REPS1: variants seen among roughly 807,000 people sequenced by gnomAD.
The protein encoded by REPS1 is ralBP1-associated Eps domain-containing protein 1.
A neutral mutation model predicts 100.9 loss-of-function variants in REPS1; 39 were observed. That is an observed-to-expected ratio of 0.39 (90% CI 0.30 to 0.50). The LOEUF is 0.50. REPS1 is among the 20% of genes least tolerant of loss of function. The probability of loss-of-function intolerance (pLI) is 0.86; values close to 1 mark genes in which losing one functional copy is unlikely to be tolerated. For synonymous variants in REPS1, 324 were observed against 340.3 expected (o/e 0.95, Z 0.53); for missense variants, 821 against 968.5 (o/e 0.85, Z 2.02).
intron 18 of REPS1, 107 bp from the exon 19 acceptor site, chr6:138,907,707 C>CT (rs1402434760): frequency 2.8e-6 from 2 of 709,758 alleles, no homozygotes; most frequent in African/African-American, 3.6e-5. Context: ...AAAAGAGCAT[C>CT]TTTTTCCTTA....
Position 138,907,505 on chromosome 6 carries a change from T to C in REPS1, c.2312A>G (p.Gln771Arg). 1 of 1,608,878 alleles carries C rather than the reference T, an allele frequency of 6.2e-7. No individual in the cohort carries two copies. Among genetic ancestry groups the C allele is most frequent in the Non-Finnish European group, 8.5e-7 (1 of 1,175,384 alleles). Residue 771 changes from glutamine (Q) to arginine (R), a missense_variant, in exon 19 of 20, where the codon CAA (glutamine) becomes CGA (arginine). This residue lies in a region of REPS1 where 757 missense variants were observed against 866.4 expected (regional missense o/e 0.87). Coordinates refer to ENST00000450536, the MANE Select transcript of REPS1 (RefSeq NM_001286611.2). The stretch of plus-strand genomic sequence containing the variant: ...CAGAAACTATATTACCTTTAATTGT[T>C]GCTGCAATTCGCTATTCAATCTGGC... The part of the protein sequence containing the change: ...VLARLNSELQ[Q>R]QLKDVLEERI...
chr6:138,956,117 A>G (rs192052154), intron 1 of REPS1, among the ~76,000 whole-genome samples: 151 of 152,270 alleles, frequency 9.9e-4, no homozygotes, highest in Non-Finnish European at 1.6e-3. Flanking sequence ...GGACGCTCTC[A>G]TGTCTTCCTA....
chr6:138,932,896 A>T (rs946402473), intron 8 of REPS1, among the ~76,000 whole-genome samples: 2 of 152,224 alleles, frequency 1.3e-5, no homozygotes, highest in Non-Finnish European at 2.9e-5. Flanking sequence ...ATTTTGGAAA[A>T]TGTATATCCA....
intron 8 of REPS1, chr6:138,934,394 A>T: frequency 2.1e-6 from 1 of 466,144 alleles, no homozygotes; most frequent in Non-Finnish European, 4.5e-6. Flanking sequence ...TTACGCAAAA[A>T]GTATTTCCAC....
chr6:138,986,538 C>G (rs74670255), intron 1 of REPS1, among the ~76,000 whole-genome samples: 13,348 of 152,212 alleles, frequency 0.088, 1,228 homozygotes, highest in African/African-American at 0.23. Context: ...AAGGACCCAG[C>G]CTTCAAAACC....
intron 1 of REPS1, among the ~76,000 whole-genome samples, chr6:138,975,917 T>C (rs1204755427): frequency 2.0e-5 from 3 of 152,162 alleles, no homozygotes; most frequent in Non-Finnish European, 4.4e-5. Flanking sequence ...GTTAAGTACT[T>C]ACAAAAGATG....
intron 1 of REPS1, among the ~76,000 whole-genome samples, chr6:138,986,478 G>T (rs1036970633): frequency 6.6e-6 from 1 of 152,230 alleles, no homozygotes; most frequent in South Asian, 2.1e-4. Flanking sequence ...CTTGAAAATG[G>T]AAAGTGCCTG....
chr6:138,940,150 T>C (rs1317621849), intron 8 of REPS1, among the ~76,000 whole-genome samples: 1 of 152,246 alleles, frequency 6.6e-6, no homozygotes, highest in Non-Finnish European at 1.5e-5. Context: ...AGTAATTTCA[T>C]GCATCTGATT....
In REPS1 at chr6:138,988,062, T is replaced by G. The variant is rs554947397; in HGVS notation, c.-380A>C. ...TCGAGTCTCCCCGGCTCCCTGCCGA[T>G]TCCCCCAGACTTCCCGCCTCGGCTT... On this transcript the variant is annotated 5_prime_UTR_variant, in exon 1 of 20. Transcript: ENST00000450536. 1.5e-5 allele frequency: 6 copies of G among 397,222 alleles called. No homozygotes were observed. Among genetic ancestry groups the G allele is most frequent in the Non-Finnish European group, 2.7e-5 (6 of 225,164 alleles). 24.6% of individuals were successfully genotyped at this position (397,222 alleles called of 1,614,324 possible). A position where few individuals can be genotyped will look rare whatever the true frequency, so the allele number is the denominator to read the frequency against.
chr6:138,904,989 T>C lies in REPS1; in HGVS notation c.*75A>G, dbSNP rs746561781. The C allele has an allele frequency of 2.6e-6, 3 of 1,162,946 alleles. No homozygotes were observed. The highest frequency in any genetic ancestry group is 1.3e-6 in the Non-Finnish European group (1 of 774,404). The allele number at this position is 1,162,946 out of a possible 1,614,324, so 72.0% of individuals were successfully genotyped here. On this transcript the variant is annotated 3_prime_UTR_variant, in exon 20 of 20. Coordinates refer to ENST00000450536, the MANE Select transcript of REPS1 (RefSeq NM_001286611.2). ...ATGTTGAGTTAAGCAGTGAGCTGAA[T>C]GTCTAGGTCTCCAAATTGGCTTTGA...
chr6:138,952,119 C>T (rs1469528879), intron 1 of REPS1, among the ~76,000 whole-genome samples: 1 of 151,952 alleles, frequency 6.6e-6, no homozygotes, highest in Non-Finnish European at 1.5e-5. Context: ...TGTACATGCT[C>T]ATGGTAAAAT....
intron 7 of REPS1, among the ~76,000 whole-genome samples, chr6:138,942,915 C>T (rs934765550): frequency 1.3e-5 from 2 of 151,508 alleles, no homozygotes; most frequent in Non-Finnish European, 2.9e-5. Flanking sequence ...CCACCATGCC[C>T]GGCTAATTTT....
chr6:138,944,769 A>T, intron 4 of REPS1, 147 bp from the exon 5 acceptor site: 1 of 683,632 alleles, frequency 1.5e-6, no homozygotes, highest in Admixed American at 3.2e-5. Context: ...CCTCATTTAA[A>T]TATCTTCAAT....
intron 8 of REPS1, among the ~76,000 whole-genome samples, chr6:138,930,780 G>C (rs182039989): frequency 6.6e-6 from 1 of 151,884 alleles, no homozygotes; most frequent in Non-Finnish European, 1.5e-5. Context: ...CCCAGCCACG[G>C]GAAAAAAGCA....
rs143834925 is a variant in REPS1, at chr6:138,969,777, G to A, written c.153+17753C>T. ...TTAAATATATGTCAAATAGCTTGAT[G>A]TCTGGTCCATTATAGGTGCTATATA... On this transcript the variant is annotated intron_variant, in intron 1 of 19. Transcript: ENST00000450536. 8.3e-3 allele frequency among the ~76,000 whole-genome samples: 1,252 copies of A among 150,606 alleles called. 7 individuals carry two copies. Among genetic ancestry groups the A allele is most frequent in the Non-Finnish European group, 0.012 (799 of 67,822 alleles).
At chr6:138,908,494 A>G (rs1779804924) in intron 18 of REPS1, among the ~76,000 whole-genome samples, 174 bp downstream of exon 18, 1 of 152,064 alleles carries the variant, frequency 6.6e-6, no homozygotes, top group South Asian at 2.1e-4. Context: ...ATGGGGTTTC[A>G]CCATGTTGGT....
At chr6:138,958,550 T>C (rs972485986) in intron 1 of REPS1, among the ~76,000 whole-genome samples, 3 of 152,112 alleles carry the variant, frequency 2.0e-5, no homozygotes, top group Non-Finnish European at 2.9e-5. Flanking sequence ...CCTGTGTCTA[T>C]GTGTTCTCAC....
At chr6:138,909,260 C>T (rs934552925) in intron 17 of REPS1, among the ~76,000 whole-genome samples, 7 of 152,080 alleles carry the variant, frequency 4.6e-5, no homozygotes, top group African/African-American at 1.7e-4. Flanking sequence ...CTTTAAAAAA[C>T]CAAAAACATC....
chr6:138,955,047 G>GT (rs1428595234), intron 1 of REPS1, among the ~76,000 whole-genome samples: 11 of 152,212 alleles, frequency 7.2e-5, no homozygotes, highest in Non-Finnish European at 4.4e-5. Context: ...GGATATTTAG[G>GT]TTTTCCCAGT....
Sources: allele counts gnomAD v4.1 joint callset (sites outside exome capture counted in the v4.1 genomes callset), GRCh38; gene constraint gnomAD v4.1.1; regional missense constraint gnomAD v4.1.1; transcripts MANE v1.5; gene names NCBI Gene and HGNC (gene_info 2026-07-23, HGNC 2026-07-21).